The following FAT3 variants were observed in gnomAD, a reference collection of about 807,000 sequenced individuals.
FAT3 encodes the protein protocadherin Fat 3.
A neutral mutation model predicts 310.2 loss-of-function variants in FAT3; 95 were observed. The observed-to-expected ratio is 0.31, with a 90% CI of 0.26 to 0.36. FAT3 has a LOEUF of 0.36. Ranked by LOEUF, FAT3 falls within the 10% of genes least tolerant of loss-of-function variation. FAT3 has a pLI of 1.00. For missense variants in FAT3, 5,408 were observed against 5,715.6 expected, an observed-to-expected ratio of 0.95 and a Z score of 1.74; for synonymous variants, 2,314 against 2,192.9, an observed-to-expected ratio of 1.06 and a Z score of -1.54.
chr11:92,587,002 A>G (rs1476844997), intron 3 of FAT3, among the ~76,000 whole-genome samples: 3 of 152,060 alleles, frequency 2.0e-5, no homozygotes, highest in African/African-American at 7.2e-5. Flanking sequence ...GCAAAGCCAT[A>G]TAAGAGATTT....
intron 1 of FAT3, among the ~76,000 whole-genome samples, chr11:92,247,569 T>C (rs1228977324): frequency 6.6e-6 from 1 of 152,018 alleles, no homozygotes; most frequent in African/African-American, 2.4e-5. Context: ...GGGAGTCATT[T>C]TTCAATTTCC....
intron 1 of FAT3, among the ~76,000 whole-genome samples, chr11:92,326,643 C>G (rs1380804037): frequency 3.9e-5 from 6 of 152,174 alleles, no homozygotes; most frequent in African/African-American, 1.4e-4. Flanking sequence ...GGCTCTCCAC[C>G]AAAGGGCATC....
chr11:92,809,274 C>A (rs940206519), intron 12 of FAT3, among the ~76,000 whole-genome samples: 11 of 152,196 alleles, frequency 7.2e-5, no homozygotes, highest in African/African-American at 2.7e-4. Context: ...CACAATCCAG[C>A]AAGTTAAGGG....
intron 14 of FAT3, among the ~76,000 whole-genome samples, chr11:92,833,890 C>G (rs367837066): frequency 6.6e-6 from 1 of 152,048 alleles, no homozygotes; most frequent in Non-Finnish European, 1.5e-5. Flanking sequence ...GTGGTAAGTT[C>G]CAGAAAACTT....
intron 1 of FAT3, among the ~76,000 whole-genome samples, chr11:92,329,150 T>C (rs1203343857): frequency 6.6e-6 from 1 of 151,980 alleles, no homozygotes; most frequent in Non-Finnish European, 1.5e-5. Context: ...CATGCCTCTT[T>C]TGCTAGGTAT....
intron 3 of FAT3, among the ~76,000 whole-genome samples, chr11:92,653,330 G>GTCC (rs1289925961): frequency 1.3e-5 from 2 of 152,086 alleles, no homozygotes; most frequent in East Asian, 3.9e-4. Context: ...CTACTTCTGT[G>GTCC]TCCTGGTGGC....
chr11:92,892,991 C>G lies in FAT3; in HGVS notation c.*1878C>G, dbSNP rs1452148628. 6.6e-6 allele frequency: 1 copy of G among 152,228 alleles called. No homozygotes were observed. Among genetic ancestry groups the G allele is most frequent in the African/African-American group, 2.4e-5 (1 of 41,460 alleles). The allele number at this position is 152,228 out of a possible 1,614,324, so 9.4% of individuals were successfully genotyped here. On this transcript the variant is annotated 3_prime_UTR_variant, in exon 28 of 28. Transcript: ENST00000525166. ...GTAAATATATGCATATTTGCACTAT[C>G]TGCTTAATGAGCAAATCTGTGTCCA... is the stretch of plus-strand genomic sequence containing the variant.
intron 19 of FAT3, among the ~76,000 whole-genome samples, chr11:92,855,719 A>G (rs1394693156): frequency 4.6e-5 from 7 of 152,258 alleles, no homozygotes; most frequent in Non-Finnish European, 8.8e-5. Context: ...GTATTATAGA[A>G]CCATTTGTAC....
At chr11:92,742,305 T>C (rs1945530141) in intron 4 of FAT3, among the ~76,000 whole-genome samples, 2 of 152,054 alleles carry the variant, frequency 1.3e-5, no homozygotes, top group African/African-American at 4.8e-5. Flanking sequence ...CCTTAGAGGA[T>C]TTTATAAGAA....
At chr11:92,591,838 G>T (rs1166082895) in intron 3 of FAT3, among the ~76,000 whole-genome samples, 1 of 152,132 alleles carries the variant, frequency 6.6e-6, no homozygotes, top group Admixed American at 6.5e-5. Flanking sequence ...TATTTCTTTG[G>T]ATCTGTCTTG....
rs1041651440 is a variant in FAT3 at position 92,802,173 on chromosome 11, T to C, written c.8896+264T>C. ...CTAGTCTTTGTGTCACCTCTTCCTA[T>C]TTAAAAAGGAGTCCAGCCAAATATC... On this transcript the variant is annotated intron_variant, in intron 10 of 27. Coordinates refer to ENST00000525166, the MANE Select transcript of FAT3 (RefSeq NM_001367949.2). Among the ~76,000 whole-genome samples the C allele has an allele frequency of 6.4e-4, 97 of 152,180 alleles. 2 individuals carry two copies. Among genetic ancestry groups the C allele is most frequent in the Non-Finnish European group, 1.8e-4 (12 of 68,018 alleles).
intron 2 of FAT3, among the ~76,000 whole-genome samples, chr11:92,384,817 A>G (rs758988776): frequency 3.3e-5 from 5 of 152,240 alleles, no homozygotes; most frequent in Non-Finnish European, 5.9e-5. Flanking sequence ...TTTGTCTGGA[A>G]GAAGGAGTGG....
At chr11:92,792,177 C>T (rs112683949) in intron 8 of FAT3, among the ~76,000 whole-genome samples, 2,014 of 152,200 alleles carry the variant, frequency 0.013, 51 homozygotes, top group African/African-American at 0.045. Flanking sequence ...TAGTGCATCC[C>T]GTGAGAATAC....
intron 3 of FAT3, among the ~76,000 whole-genome samples, chr11:92,673,238 G>A (rs377159535): frequency 1.4e-4 from 22 of 152,218 alleles, no homozygotes; most frequent in African/African-American, 4.3e-4. Context: ...TTGGGGCTCC[G>A]CAAAGAAGTC....
chr11:92,401,035 T>C (rs765475330), intron 2 of FAT3, among the ~76,000 whole-genome samples: 24 of 152,070 alleles, frequency 1.6e-4, no homozygotes, highest in Non-Finnish European at 2.9e-4. Flanking sequence ...CCGTGACATA[T>C]ATAGAGTTTG....
rs191223945 is a variant in FAT3, at chr11:92,782,160, T to C, written c.4336-7783T>C. Among the ~76,000 whole-genome samples, 3 of 152,218 alleles carry C rather than the reference T, an allele frequency of 2.0e-5. No homozygotes were observed. In the East Asian group the frequency reaches 5.8e-4, roughly 29 times the overall value. The stretch of plus-strand genomic sequence containing the variant: ...CTTATTTCTGCAATAATAATAATAA[T>C]AATAATTTTTTAATTAGCCAGATGT... On this transcript the variant is annotated intron_variant, in intron 7 of 27. Transcript: ENST00000525166.
chr11:92,354,899 C>T lies in FAT3; in HGVS notation c.2787C>T (p.Val929=). The stretch of plus-strand genomic sequence containing the variant: ...CTCTTAAAGTTTTTTTAGATGATGT[C>T]AATGACTGCTCCCCAGCTTTCATTC... The part of the protein sequence containing the change: ...VVTLKVFLDD[V]NDCSPAFIPS... The change falls in exon 2 of 28, where the codon GTC becomes GTT. Residue 929 remains valine, a synonymous_variant. Coordinates refer to ENST00000525166, the MANE Select transcript of FAT3 (RefSeq NM_001367949.2). The T allele has an allele frequency of 6.2e-7, 1 of 1,613,872 alleles. No individual in the cohort carries two copies. The highest frequency in any genetic ancestry group is 8.5e-7 in the Non-Finnish European group (1 of 1,179,862).
chr11:92,573,352 A>G (rs1014478295), intron 3 of FAT3, among the ~76,000 whole-genome samples: 2 of 152,140 alleles, frequency 1.3e-5, no homozygotes, highest in African/African-American at 4.8e-5. Flanking sequence ...ACATCCCAGC[A>G]GGAAGACTCT....
chr11:92,338,475 G>A (rs1353695280), intron 1 of FAT3, among the ~76,000 whole-genome samples: 3 of 152,016 alleles, frequency 2.0e-5, no homozygotes, highest in Admixed American at 6.5e-5. Context: ...TTCACAATGC[G>A]GGGCAGGATT....
Sources: gnomAD v4.1 joint callset for allele counts (sites outside exome capture counted in the v4.1 genomes callset) on GRCh38, gnomAD v4.1.1 for gene constraint, MANE v1.5 for transcripts, NCBI Gene and HGNC (gene_info 2026-07-23, HGNC 2026-07-21) for gene names.